The following NIN variants were observed in gnomAD, a reference collection of about 807,000 sequenced individuals.
NIN encodes ninein, also known as glycogen synthase kinase 3 beta-interacting protein.
Under a neutral mutation model 257.6 loss-of-function variants are expected in NIN, and 137 were observed. The ratio of observed to expected loss-of-function variants is 0.53; its 90% confidence interval spans 0.46 to 0.61. The LOEUF is 0.61. Ranked by LOEUF, NIN falls within the 20% of genes least tolerant of loss-of-function variation. The pLI is 0.00. For missense variants in NIN, 2,439 were observed against 2,501.2 expected (o/e 0.98, Z 0.53); for synonymous variants, 918 against 919.8 (o/e 1.00, Z 0.04).
Position 50,744,291 on chromosome 14 carries a change from C to G in NIN, c.5139G>C (p.Leu1713=), listed in dbSNP as rs1009602355. 5.6e-6 allele frequency: 9 copies of G among 1,614,100 alleles called. No homozygotes were observed. Among genetic ancestry groups the G allele is most frequent in the Non-Finnish European group, 7.6e-6 (9 of 1,179,994 alleles). Residue 1713 remains leucine (L), a synonymous_variant, in exon 23 of 31, where the codon CTG becomes CTC. Transcript: ENST00000530997. ...SSVLSYNEKL[L]KEKEALSEEL... is the part of the protein sequence containing the mutation. Reference sequence around the variant, plus strand: ...CCTCACTCAGAGCTTCCTTTTCTTTCAGCAGTTTTTCGTTGTAGCTTAGAA... The same window carrying G: ...CCTCACTCAGAGCTTCCTTTTCTTTGAGCAGTTTTTCGTTGTAGCTTAGAA...
rs1566788301 is a variant in NIN, at chr14:50,739,336, T to C, written c.5600A>G (p.Lys1867Arg). The change falls in exon 26 of 31, where the codon AAA becomes AGA. Residue 1867 changes from lysine (K) to arginine (R), a missense_variant. Physicochemically the swap from Lys to Arg is conservative, Grantham distance 26. Transcript: ENST00000530997. ...CTCCCGGGAGTGCGTGAGTTCGGCT[T>C]TGGTGTTCTGTACCATGGTCTGGAG... ...ERLQTMVQNTKAELTHSREKV... is the reference protein window; with the variant it reads ...ERLQTMVQNTRAELTHSREKV... 1.2e-6 allele frequency: 2 copies of C among 1,614,204 alleles called. No homozygotes were observed.
chr14:50,757,639 G>A lies in NIN; in HGVS notation c.3391C>T (p.Arg1131Ter), dbSNP rs759279997. The A allele has an allele frequency of 2.0e-5, 32 of 1,614,052 alleles. No homozygotes were observed. The highest frequency in any genetic ancestry group is 2.5e-5 in the Non-Finnish European group (30 of 1,180,022). The change falls in exon 18 of 31, where the codon CGA becomes TGA. Residue 1131 changes from arginine (R) to a stop codon, truncating the protein, a stop_gained. Coordinates refer to ENST00000530997, the MANE Select transcript of NIN (RefSeq NM_020921.4). LOFTEE classifies it high-confidence loss of function. ...GTCACACCTTCTACTTGCTTCGTTC[G>A]GTTTTGCTGTAAAAACTGCTCTGTT... ...EQTEQFLQQNRTKQVEGVTRR... is the reference protein window; with the variant it reads ...EQTEQFLQQN
intron 12 of NIN, among the ~76,000 whole-genome samples, chr14:50,768,094 CACACAG>C (rs2042581573): frequency 7.2e-6 from 1 of 138,388 alleles, no homozygotes; most frequent in Admixed American, 7.2e-5. Context: ...CACACACACA[CACACAG>C]ACGTGCCATT....
At chr14:50,796,620 T>C (rs1050337432) in intron 4 of NIN, among the ~76,000 whole-genome samples, 3 of 152,220 alleles carry the variant, frequency 2.0e-5, no homozygotes, top group African/African-American at 4.8e-5. Flanking sequence ...ACATGTATGA[T>C]GCTTGACCAG....
intron 22 of NIN, among the ~76,000 whole-genome samples, chr14:50,745,169 A>G (rs1356009127): frequency 6.6e-6 from 1 of 152,140 alleles, no homozygotes; most frequent in Non-Finnish European, 1.5e-5. Context: ...CAGTGCTGGT[A>G]CTAGTCTCAT....
chr14:50,828,476 T>TC (rs957213728), intron 2 of NIN, among the ~76,000 whole-genome samples: 1 of 152,234 alleles, frequency 6.6e-6, no homozygotes, highest in Admixed American at 6.5e-5. Context: ...ACTAAGTCTC[T>TC]CCATAAGCCC....
At chr14:50,746,765 T>C (rs1045043565) in intron 22 of NIN, among the ~76,000 whole-genome samples, 4 of 152,136 alleles carry the variant, frequency 2.6e-5, no homozygotes, top group African/African-American at 9.7e-5. Flanking sequence ...AGGATGCAAA[T>C]TGTTTTTTTC....
At chr14:50,743,752 A>G (rs1355478754) in intron 23 of NIN, among the ~76,000 whole-genome samples, 3 of 151,972 alleles carry the variant, frequency 2.0e-5, no homozygotes, top group African/African-American at 7.3e-5. Context: ...GAAATTTCCT[A>G]TTTTTCTTTT....
chr14:50,829,009 C>T (rs2142582967), intron 2 of NIN, among the ~76,000 whole-genome samples: 1 of 152,332 alleles, frequency 6.6e-6, no homozygotes, highest in South Asian at 2.1e-4. Context: ...CCTGTGAAGC[C>T]TTTCCCTGTA....
At chr14:50,824,176 T>C (rs2045359157) in intron 2 of NIN, among the ~76,000 whole-genome samples, 1 of 152,198 alleles carries the variant, frequency 6.6e-6, no homozygotes, top group Non-Finnish European at 1.5e-5. Context: ...ACTTCCCTTT[T>C]TAAAAATTAT....
chr14:50,733,706 A>G (rs1452022243), intron 28 of NIN, among the ~76,000 whole-genome samples: 1 of 152,332 alleles, frequency 6.6e-6, no homozygotes, highest in Non-Finnish European at 1.5e-5. Context: ...CTACTTTTCA[A>G]TTTGATACTA....
chr14:50,741,731 G>A lies in NIN; in HGVS notation c.5302-3C>T. 1 of 1,612,872 alleles carries A rather than the reference G, an allele frequency of 6.2e-7. No individual in the cohort carries two copies. Among genetic ancestry groups the A allele is most frequent in the Non-Finnish European group, 8.5e-7 (1 of 1,179,556 alleles). On this transcript the variant is annotated splice_polypyrimidine_tract_variant and splice_region_variant and intron_variant, in intron 24 of 30. Coordinates refer to ENST00000530997, the MANE Select transcript of NIN (RefSeq NM_020921.4). ...ACGGTGTCTTCTAAATTCTGAACCT[G>A]TATTGTGAGAATGATCTTTTACTGC...
intron 5 of NIN, chr14:50,792,425 C>T: frequency 2.7e-6 from 1 of 364,964 alleles, no homozygotes; most frequent in Non-Finnish European, 5.0e-6. Flanking sequence ...TATTCAAGAA[C>T]TAGAAGTGGG....
chr14:50,764,162 G>C (rs2042384634), intron 14 of NIN, among the ~76,000 whole-genome samples, 198 bp from the exon 15 acceptor site: 1 of 152,150 alleles, frequency 6.6e-6, no homozygotes, highest in Non-Finnish European at 1.5e-5. Context: ...GACTATTATA[G>C]CTCAATAATA....
At chr14:50,767,816 CAAAAA>C (rs755570611) in intron 12 of NIN, among the ~76,000 whole-genome samples, 1 of 66,862 alleles carries the variant, frequency 1.5e-5, no homozygotes, top group Admixed American at 1.8e-4. Context: ...GACTCCATCT[CAAAAA>C]AAAAAAAAAA....
chr14:50,785,062 C>T (rs1402692042), intron 5 of NIN, among the ~76,000 whole-genome samples: 7 of 152,264 alleles, frequency 4.6e-5, no homozygotes, highest in East Asian at 1.9e-4. Flanking sequence ...CTCTGTGGGC[C>T]GTGCATCTCA....
In NIN at chr14:50,723,690, A is replaced by G; in HGVS notation, c.6193-18T>C. 1 of 1,608,916 alleles carries G rather than the reference A, an allele frequency of 6.2e-7. No individual in the cohort carries two copies. Among genetic ancestry groups the G allele is most frequent in the Non-Finnish European group, 8.5e-7 (1 of 1,175,434 alleles). On this transcript the variant is annotated intron_variant, in intron 30 of 30. Transcript: ENST00000530997. The stretch of plus-strand genomic sequence containing the variant: ...TTGCAGAGCTAGAAACAGAACCAGA[A>G]ACATCTTGACTCCATTTCTGTAACT...
chr14:50,744,243 C>T lies in NIN; in HGVS notation c.5187G>A (p.Lys1729=), dbSNP rs1392282067. ...LSEELNSCVD[K]LAKSSLLEHR... is the part of the protein sequence containing the mutation. ...GGTAAAGTCTTATTACTTCTACTACCTTATCGACACAGCTATTTAATTCCT... is the reference window on the plus strand; with the variant it reads ...GGTAAAGTCTTATTACTTCTACTACTTTATCGACACAGCTATTTAATTCCT... Residue 1729 remains lysine (K), a splice_region_variant and synonymous_variant, in exon 23 of 31, where the codon AAG becomes AAA. Transcript: ENST00000530997. 3.1e-6 allele frequency: 5 copies of T among 1,613,520 alleles called. No homozygotes were observed. The highest frequency in any genetic ancestry group is 4.2e-6 in the Non-Finnish European group (5 of 1,179,656).
At chr14:50,723,906 T>C (rs1380500828) in intron 30 of NIN, 7 of 480,106 alleles carry the variant, frequency 1.5e-5, no homozygotes, top group African/African-American at 1.4e-4. Context: ...CAGTTACTAA[T>C]AGAACAGATT....
Sources: allele counts gnomAD v4.1 joint callset (sites outside exome capture counted in the v4.1 genomes callset), GRCh38; gene constraint gnomAD v4.1.1; transcripts MANE v1.5; gene names NCBI Gene and HGNC (gene_info 2026-07-23, HGNC 2026-07-21).